Variants in DLG2 observed in about 807,000 individuals in gnomAD.
DLG2 encodes disks large homolog 2.
A neutral mutation model predicts 132.5 loss-of-function variants in DLG2; 45 were observed. The observed-to-expected ratio is 0.34, with a 90% CI of 0.27 to 0.44. DLG2 has a LOEUF of 0.44. Ranked by LOEUF, DLG2 falls within the 20% of genes least tolerant of loss-of-function variation. DLG2 has a pLI of 1.00. For missense variants in DLG2, 1,045 were observed against 1,196.9 expected, an observed-to-expected ratio of 0.87 and a Z score of 1.87; for synonymous variants, 424 against 419.6, an observed-to-expected ratio of 1.01 and a Z score of -0.13.
At chr11:84,722,663 G>GC (rs1000054226) in intron 6 of DLG2, among the ~76,000 whole-genome samples, 2 of 152,182 alleles carry the variant, frequency 1.3e-5, no homozygotes, top group African/African-American at 4.8e-5. Context: ...TGAGAGGAAT[G>GC]CAAGTCCTCT....
chr11:83,698,749 T>G (rs2082338196), intron 18 of DLG2, among the ~76,000 whole-genome samples: 1 of 152,212 alleles, frequency 6.6e-6, no homozygotes, highest in Non-Finnish European at 1.5e-5. Flanking sequence ...TATCCTAAAT[T>G]ATCTCTTCTC....
At chr11:83,684,084 A>C (rs560728595) in intron 18 of DLG2, among the ~76,000 whole-genome samples, 1 of 152,056 alleles carries the variant, frequency 6.6e-6, no homozygotes, top group African/African-American at 2.4e-5. Flanking sequence ...AAAACAATGA[A>C]CTTTTATATG....
chr11:84,756,701 T>C (rs2066924629), intron 6 of DLG2, among the ~76,000 whole-genome samples: 1 of 152,210 alleles, frequency 6.6e-6, no homozygotes, highest in Admixed American at 6.5e-5. Context: ...CAACCCCTAG[T>C]CCAACACAAA....
At chr11:85,263,221 G>T (rs2077034480) in intron 4 of DLG2, among the ~76,000 whole-genome samples, 1 of 152,212 alleles carries the variant, frequency 6.6e-6, no homozygotes, top group Admixed American at 6.5e-5. Context: ...TATGCAGGGT[G>T]CTCAATCCAG....
intron 6 of DLG2, among the ~76,000 whole-genome samples, chr11:84,967,929 A>C (rs962445513): frequency 6.6e-6 from 1 of 152,162 alleles, no homozygotes; most frequent in Non-Finnish European, 1.5e-5. Flanking sequence ...TCTTCAGAAT[A>C]AGCAATCTGT....
intron 7 of DLG2, among the ~76,000 whole-genome samples, chr11:84,465,480 CATAGAGACAATG>C: frequency 6.6e-6 from 1 of 151,106 alleles, no homozygotes; most frequent in Middle Eastern, 3.4e-3. Context: ...GAGAGTGGGC[CATAGAGACAATG>C]ATAGAGACTT....
chr11:84,209,283 C>G (rs2096719142), intron 8 of DLG2, among the ~76,000 whole-genome samples: 1 of 152,072 alleles, frequency 6.6e-6, no homozygotes, highest in South Asian at 2.1e-4. Flanking sequence ...GATACTTGGC[C>G]AGTATTCTAA....
chr11:85,514,789 G>A (rs2094141392), intron 3 of DLG2, among the ~76,000 whole-genome samples: 1 of 151,842 alleles, frequency 6.6e-6, no homozygotes, highest in Admixed American at 6.6e-5. Flanking sequence ...GTGTATCTGA[G>A]TTTCAGGAAG....
At chr11:83,689,946 T>A (rs1012677854) in intron 18 of DLG2, among the ~76,000 whole-genome samples, 36 of 138,420 alleles carry the variant, frequency 2.6e-4, no homozygotes, top group African/African-American at 9.0e-4. Flanking sequence ...TAATATATAT[T>A]ATATATATTT....
intron 16 of DLG2, among the ~76,000 whole-genome samples, chr11:83,851,745 C>A (rs1271107501): frequency 3.3e-5 from 5 of 150,516 alleles, no homozygotes; most frequent in Non-Finnish European, 7.4e-5. Context: ...ATTGGTAAAA[C>A]CCTATCTCTG....
chr11:85,467,256 CA>C (rs1300403897), intron 3 of DLG2, among the ~76,000 whole-genome samples: 1 of 152,196 alleles, frequency 6.6e-6, no homozygotes, highest in East Asian at 1.9e-4. Context: ...AATCTCCAAA[CA>C]GGGACAATTT....
intron 4 of DLG2, among the ~76,000 whole-genome samples, chr11:85,232,888 A>G (rs185647256): frequency 3.3e-5 from 5 of 152,118 alleles, no homozygotes; most frequent in Non-Finnish European, 4.4e-5. Flanking sequence ...AGACAGCAAT[A>G]TTTCCAAATG....
intron 11 of DLG2, among the ~76,000 whole-genome samples, chr11:84,008,219 G>T (rs1174491056): frequency 6.6e-6 from 1 of 151,702 alleles, no homozygotes; most frequent in East Asian, 1.9e-4. Flanking sequence ...ACAGATCTGG[G>T]TATAAAACCC....
intron 6 of DLG2, among the ~76,000 whole-genome samples, chr11:85,069,594 C>A (rs1299888592): frequency 2.0e-5 from 3 of 152,096 alleles, no homozygotes; most frequent in African/African-American, 4.8e-5. Flanking sequence ...AAATCAAAAC[C>A]ACAATGAGAT....
intron 6 of DLG2, among the ~76,000 whole-genome samples, chr11:84,821,422 G>A (rs1300562982): frequency 6.6e-6 from 1 of 151,436 alleles, no homozygotes; most frequent in African/African-American, 2.4e-5. Context: ...ATGAATAAAC[G>A]TGACCATATT....
intron 11 of DLG2, among the ~76,000 whole-genome samples, chr11:84,039,461 T>A (rs574635398): frequency 0.013 from 1,627 of 123,154 alleles, 34 homozygotes; most frequent in African/African-American, 0.046. Context: ...TGAGTGAGAA[T>A]ATGTGGTGTT....
chr11:85,350,328 A>G (rs1258679478), intron 3 of DLG2, among the ~76,000 whole-genome samples: 1 of 152,136 alleles, frequency 6.6e-6, no homozygotes, highest in Non-Finnish European at 1.5e-5. Context: ...AGATGAGTAG[A>G]TTGCAAAAAT....
chr11:85,418,727 G>C (rs1597150966), intron 3 of DLG2, among the ~76,000 whole-genome samples: 1 of 152,012 alleles, frequency 6.6e-6, no homozygotes, highest in East Asian at 1.9e-4. Flanking sequence ...ACTCTTTGTT[G>C]GTTTATCAGA....
chr11:83,943,616 A>T (rs970038946), intron 14 of DLG2, among the ~76,000 whole-genome samples: 7 of 152,248 alleles, frequency 4.6e-5, no homozygotes, highest in African/African-American at 1.7e-4. Context: ...GTTACTAACA[A>T]GATTCTACTT....
Sources: allele counts gnomAD v4.1 joint callset (sites outside exome capture counted in the v4.1 genomes callset), GRCh38; gene constraint gnomAD v4.1.1; transcripts MANE v1.5; gene names NCBI Gene and HGNC (gene_info 2026-07-23, HGNC 2026-07-21).